PKIA: variants seen among roughly 807,000 people sequenced by gnomAD.
PKIA encodes the protein PKI-alpha.
In PKIA, 4 loss-of-function variants were observed where a neutral mutation model predicts 7.6. The ratio of observed to expected loss-of-function variants is 0.52; its 90% confidence interval spans 0.26 to 1.20. The LOEUF is 1.20. Ranked by LOEUF, PKIA falls within the 50% of genes most tolerant of loss-of-function variation. The pLI is 0.13. For synonymous variants in PKIA, 21 were observed against 30.7 expected (o/e 0.68, Z 1.04); for missense variants, 73 against 86.2 (o/e 0.85, Z 0.61).
At chr8:78,551,491 C>G (rs1434090076) in intron 1 of PKIA, among the ~76,000 whole-genome samples, 1 of 151,996 alleles carries the variant, frequency 6.6e-6, no homozygotes, top group Non-Finnish European at 1.5e-5. Flanking sequence ...GACTTTGTTG[C>G]TGTAAACTTA....
At chr8:78,575,192 C>T (rs1259261869) in intron 2 of PKIA, among the ~76,000 whole-genome samples, 1 of 151,894 alleles carries the variant, frequency 6.6e-6, no homozygotes, top group Admixed American at 6.6e-5. Flanking sequence ...TAAAAATAAA[C>T]TCTTGCAAAC....
intron 1 of PKIA, among the ~76,000 whole-genome samples, chr8:78,553,771 G>T: frequency 6.7e-6 from 1 of 149,590 alleles, no homozygotes. Flanking sequence ...TTGGAAGAGG[G>T]TTAGATGACC....
At chr8:78,582,200 AT>A (rs1053885133) in intron 2 of PKIA, among the ~76,000 whole-genome samples, 1 of 123,504 alleles carries the variant, frequency 8.1e-6, no homozygotes, top group African/African-American at 3.1e-5. Flanking sequence ...AGGCTTTGGG[AT>A]TTTTTTTCTA....
At chr8:78,594,685 G>A (rs111435372) in intron 2 of PKIA, among the ~76,000 whole-genome samples, 12,372 of 152,176 alleles carry the variant, frequency 0.081, 545 homozygotes, top group Middle Eastern at 0.095. Context: ...GAAATGGGGG[G>A]AAATATATTC....
Position 78,604,160 on chromosome 8 carries a change from G to A in PKIA, c.*2339G>A, listed in dbSNP as rs1483707968. 1.3e-5 allele frequency: 2 copies of A among 151,972 alleles called. No homozygotes were observed. The highest frequency in any genetic ancestry group is 6.6e-5 in the Admixed American group (1 of 15,224). The allele number at this position is 151,972 out of a possible 1,614,324, so 9.4% of individuals were successfully genotyped here. On this transcript the variant is annotated 3_prime_UTR_variant, in exon 4 of 4. Transcript: ENST00000396418. ...TTTTTAAGGAGAGAAGGAAAGGGTA[G>A]GAAACCAGGGCCTTGGGTTTAGTAA...
Position 78,559,152 on chromosome 8 carries a change from C to T in PKIA, c.-156-13659C>T, listed in dbSNP as rs557220640. On this transcript the variant is annotated intron_variant, in intron 1 of 3. Coordinates refer to ENST00000396418, the MANE Select transcript of PKIA (RefSeq NM_006823.4). ...GGCCAGGGTGGTCTCAAACTCCTGA[C>T]CTCAGGTGATCCACCCGCCTCGGCC... is the stretch of plus-strand genomic sequence containing the variant. Among the ~76,000 whole-genome samples the T allele has an allele frequency of 2.0e-5, 3 of 152,276 alleles. No homozygotes were observed. The South Asian group carries it at 6.2e-4, about 32-fold the overall frequency.
chr8:78,524,463 T>C (rs925838385), intron 1 of PKIA, among the ~76,000 whole-genome samples: 3 of 151,598 alleles, frequency 2.0e-5, no homozygotes, highest in African/African-American at 7.3e-5. Context: ...ATTTGTGCTT[T>C]CCTGCAGTGA....
intron 1 of PKIA, among the ~76,000 whole-genome samples, chr8:78,558,124 A>T (rs1356898028): frequency 1.3e-5 from 2 of 152,204 alleles, no homozygotes; most frequent in Admixed American, 6.5e-5. Context: ...AATATTTTAC[A>T]TTAAATCAGG....
intron 2 of PKIA, among the ~76,000 whole-genome samples, chr8:78,581,250 A>T (rs941958475): frequency 1.3e-5 from 2 of 152,134 alleles, no homozygotes; most frequent in Non-Finnish European, 1.5e-5. Flanking sequence ...TCCCCTGGGC[A>T]AATCTCGAAC....
intron 2 of PKIA, among the ~76,000 whole-genome samples, chr8:78,574,012 T>G (rs1807616792): frequency 6.6e-6 from 1 of 152,018 alleles, no homozygotes. Flanking sequence ...CATCTTATCC[T>G]TTACATTTAG....
Position 78,602,828 on chromosome 8 carries a change from A to G in PKIA, c.*1007A>G, listed in dbSNP as rs1384706432. 2 of 152,172 alleles carry G rather than the reference A, an allele frequency of 1.3e-5. No individual in the cohort carries two copies. Among genetic ancestry groups the G allele is most frequent in the African/African-American group, 4.8e-5 (2 of 41,356 alleles). The allele number at this position is 152,172 out of a possible 1,614,324, so 9.4% of individuals were successfully genotyped here. The stretch of plus-strand genomic sequence containing the variant: ...ATCAAATTTCTCACAATGCTGTATG[A>G]TACTATTTAAATTTGGAGGACAACT... On this transcript the variant is annotated 3_prime_UTR_variant, in exon 4 of 4. Transcript: ENST00000396418.
At chr8:78,521,736 G>A (rs527876106) in intron 1 of PKIA, among the ~76,000 whole-genome samples, 5 of 151,596 alleles carry the variant, frequency 3.3e-5, no homozygotes, top group East Asian at 1.9e-4. Context: ...TAAAATATAC[G>A]TAACATTTAC....
chr8:78,540,081 T>TAA (rs561328503), intron 1 of PKIA, among the ~76,000 whole-genome samples: 16 of 129,078 alleles, frequency 1.2e-4, no homozygotes, highest in South Asian at 5.0e-4. Context: ...AGAAATGAAG[T>TAA]AAAAAAAAAA....
intron 1 of PKIA, among the ~76,000 whole-genome samples, chr8:78,523,240 C>G (rs1239592794): frequency 6.6e-6 from 1 of 151,922 alleles, no homozygotes; most frequent in Non-Finnish European, 1.5e-5. Flanking sequence ...TGACCCTAGA[C>G]ATGTCACAAC....
chr8:78,563,893 T>C (rs1807341286), intron 1 of PKIA, among the ~76,000 whole-genome samples: 1 of 152,116 alleles, frequency 6.6e-6, no homozygotes, highest in South Asian at 2.1e-4. Context: ...GAATAATCTA[T>C]AAGGAGTAGG....
chr8:78,545,252 G>A (rs1372296121), intron 1 of PKIA, among the ~76,000 whole-genome samples: 1 of 151,998 alleles, frequency 6.6e-6, no homozygotes, highest in Non-Finnish European at 1.5e-5. Flanking sequence ...ACTATCTTTT[G>A]GAATCTTAGA....
At chr8:78,577,382 A>C (rs967037331) in intron 2 of PKIA, among the ~76,000 whole-genome samples, 2 of 151,870 alleles carry the variant, frequency 1.3e-5, no homozygotes, top group Admixed American at 1.3e-4. Flanking sequence ...AGAAAAGATA[A>C]CTGTTGGATA....
chr8:78,553,630 G>C (rs1196022888), intron 1 of PKIA, among the ~76,000 whole-genome samples: 1 of 151,736 alleles, frequency 6.6e-6, no homozygotes, highest in Non-Finnish European at 1.5e-5. Flanking sequence ...CTGATTATAT[G>C]TTGCACTGCC....
At position 78,603,424 on chromosome 8, in the gene PKIA, TCTC is replaced by T. The variant is rs1329246174; in HGVS notation, c.*1606_*1608del. 1 of 151,844 alleles carries T rather than the reference TCTC, an allele frequency of 6.6e-6. No individual in the cohort carries two copies. Among genetic ancestry groups the T allele is most frequent in the East Asian group, 1.9e-4 (1 of 5,160 alleles). 9.4% of individuals were successfully genotyped at this position (151,844 alleles called of 1,614,324 possible). A position where few individuals can be genotyped will look rare whatever the true frequency, so the allele number is the denominator to read the frequency against. Reference sequence around the variant, plus strand: ...AGGATAAAAGGTAAGTCTGCTCACTTCTCCTTCTACAGGGCATTTCAACTGACT... The same window carrying T: ...AGGATAAAAGGTAAGTCTGCTCACTTCTTCTACAGGGCATTTCAACTGACT... On this transcript the variant is annotated 3_prime_UTR_variant, in exon 4 of 4. Transcript: ENST00000396418.
Sources: allele counts gnomAD v4.1 joint callset (sites outside exome capture counted in the v4.1 genomes callset), GRCh38; gene constraint gnomAD v4.1.1; transcripts MANE v1.5; gene names NCBI Gene and HGNC (gene_info 2026-07-23, HGNC 2026-07-21).